The following CAPN8 variants were observed in gnomAD, a reference collection of about 807,000 sequenced individuals.
The protein encoded by CAPN8 is calpain 8, also known as calpain-8.
In CAPN8, 87 loss-of-function variants were observed where a neutral mutation model predicts 80.9. The observed-to-expected ratio is 1.07, with a 90% CI of 0.90 to 1.28. The LOEUF is 1.28. Ranked by LOEUF, CAPN8 falls within the 50% of genes most tolerant of loss-of-function variation. CAPN8 has a pLI of 0.00. For synonymous variants in CAPN8, 299 were observed against 273.8 expected (o/e 1.09, Z -0.91); for missense variants, 757 against 702.0 (o/e 1.08, Z -0.89).
At position 223,656,668 on chromosome 1, in the gene CAPN8, G is replaced by GTTTTTTTT. The variant is rs1331913444; in HGVS notation, c.238-2270_238-2269insAAAAAAAA. Reference sequence around the variant, plus strand: ...ATTTATGTACATACACACGTTTTGGGTTTTTTTGTTTTGTTTTTTTTTTTT... The same window carrying GTTTTTTTT: ...ATTTATGTACATACACACGTTTTGGGTTTTTTTTTTTTTTTGTTTTGTTTTTTTTTTTT... On this transcript the variant is annotated intron_variant, in intron 1 of 20. Transcript: ENST00000366872. Among the ~76,000 whole-genome samples, 42 of 94,804 alleles carry GTTTTTTTT rather than the reference G, an allele frequency of 4.4e-4. 3 individuals carry two copies. The highest frequency in any genetic ancestry group is 6.8e-3 in the Middle Eastern group (1 of 146). 62.2% of individuals were successfully genotyped at this position (94,804 alleles called of 152,430 possible).
At chr1:223,661,910 G>C (rs1187351697) in intron 1 of CAPN8, among the ~76,000 whole-genome samples, 2 of 152,112 alleles carry the variant, frequency 1.3e-5, no homozygotes, top group East Asian at 3.9e-4. Context: ...AAAAGTGGAA[G>C]CAACCCAAGA....
chr1:223,643,239 A>G (rs1392857715), intron 2 of CAPN8, among the ~76,000 whole-genome samples: 1 of 152,236 alleles, frequency 6.6e-6, no homozygotes, highest in African/African-American at 2.4e-5. Flanking sequence ...ATTGCTAGGG[A>G]CAGCCCTGAC....
intron 1 of CAPN8, among the ~76,000 whole-genome samples, chr1:223,661,810 C>A (rs1235107111): frequency 6.6e-6 from 1 of 152,138 alleles, no homozygotes; most frequent in African/African-American, 2.4e-5. Context: ...TGGGTCATAT[C>A]TTTTGGGTAT....
At chr1:223,548,350 G>A (rs1156901621) in intron 16 of CAPN8, among the ~76,000 whole-genome samples, 1 of 152,054 alleles carries the variant, frequency 6.6e-6, no homozygotes, top group Non-Finnish European at 1.5e-5. Context: ...CACCTAGAAG[G>A]TTCCTTCCAC....
chr1:223,664,041 T>C (rs80329262), intron 1 of CAPN8, among the ~76,000 whole-genome samples: 436 of 152,350 alleles, frequency 2.9e-3, no homozygotes, highest in African/African-American at 9.8e-3. Context: ...GCACTTTGTA[T>C]GGATGAGCTC....
chr1:223,549,625 T>C (rs912300775), intron 15 of CAPN8: 4 of 650,360 alleles, frequency 6.2e-6, no homozygotes, highest in Admixed American at 2.3e-5. Flanking sequence ...TTGGCTTGGC[T>C]CCCCACAAGC....
At chr1:223,614,733 A>G (rs547383773) in intron 10 of CAPN8, among the ~76,000 whole-genome samples, 7 of 152,238 alleles carry the variant, frequency 4.6e-5, no homozygotes, top group African/African-American at 1.7e-4. Context: ...ATAATCCTCC[A>G]TGTCCTCAGC....
At chr1:223,649,729 G>C (rs188928500) in intron 2 of CAPN8, among the ~76,000 whole-genome samples, 1 of 152,336 alleles carries the variant, frequency 6.6e-6, no homozygotes, top group East Asian at 1.9e-4. Context: ...TAGGCTATCT[G>C]TGTTTTCAAA....
chr1:223,549,296 T>A (rs747046832), intron 16 of CAPN8, 22 bp downstream of exon 16: 80 of 1,528,370 alleles, frequency 5.2e-5, no homozygotes, highest in Admixed American at 1.6e-4. Flanking sequence ...AAAAAAAAAA[T>A]AATGCAACAT....
intron 10 of CAPN8, 115 bp downstream of exon 10, chr1:223,615,855 G>A (rs1399189695): frequency 1.3e-5 from 17 of 1,293,036 alleles, no homozygotes; most frequent in East Asian, 1.3e-4. Flanking sequence ...GAGCAAGGAC[G>A]CTTCTCGATT....
chr1:223,623,849 A>T (rs1657476527), intron 6 of CAPN8, among the ~76,000 whole-genome samples: 2 of 151,962 alleles, frequency 1.3e-5, no homozygotes, highest in African/African-American at 4.8e-5. Flanking sequence ...CAAAAAAAAT[A>T]ATTAGCTGGG....
chr1:223,620,093 T>C, intron 8 of CAPN8, 99 bp downstream of exon 8: 1 of 973,010 alleles, frequency 1.0e-6, no homozygotes, highest in East Asian at 2.6e-5. Context: ...TCAGGAACCA[T>C]GTCGCCTTCC....
chr1:223,657,292 T>G (rs1658521143), intron 1 of CAPN8, among the ~76,000 whole-genome samples: 1 of 152,092 alleles, frequency 6.6e-6, no homozygotes, highest in Non-Finnish European at 1.5e-5. Context: ...AAGCAGTCAT[T>G]TTTTGGCAAA....
At chr1:223,642,612 A>G (rs1305124539) in intron 2 of CAPN8, 1 of 361,100 alleles carries the variant, frequency 2.8e-6, no homozygotes, top group African/African-American at 2.1e-5. Context: ...GAGTTAATGT[A>G]CTTCAAAACA....
chr1:223,551,160 T>A, intron 14 of CAPN8, 143 bp from the exon 15 acceptor site: 1 of 594,834 alleles, frequency 1.7e-6, no homozygotes, highest in Non-Finnish European at 3.0e-6. Context: ...TTTGTTTTTT[T>A]TTGAGACAGT....
At chr1:223,610,755 G>A (rs1194313289) in intron 11 of CAPN8, among the ~76,000 whole-genome samples, 1 of 152,110 alleles carries the variant, frequency 6.6e-6, no homozygotes, top group Non-Finnish European at 1.5e-5. Flanking sequence ...GTGCCACAAG[G>A]TCCCTGGCCC....
chr1:223,643,349 A>G (rs1189837086), intron 2 of CAPN8, among the ~76,000 whole-genome samples: 2 of 152,254 alleles, frequency 1.3e-5, no homozygotes, highest in African/African-American at 2.4e-5. Flanking sequence ...TAGATCTTTA[A>G]AGTGCATCAA....
At chr1:223,658,304 A>G (rs1658552028) in intron 1 of CAPN8, among the ~76,000 whole-genome samples, 7 of 152,228 alleles carry the variant, frequency 4.6e-5, no homozygotes, top group Admixed American at 4.6e-4. Flanking sequence ...GTTGGAAGAC[A>G]GAGTCATTGG....
At chr1:223,549,486 G>T (rs1425455728) in intron 15 of CAPN8, 104 bp from the exon 16 acceptor site, 2 of 1,520,734 alleles carry the variant, frequency 1.3e-6, no homozygotes, top group Admixed American at 2.0e-5. Flanking sequence ...CAAGGGTGTG[G>T]AACCGAACTT....
Sources: allele counts gnomAD v4.1 joint callset (sites outside exome capture counted in the v4.1 genomes callset), GRCh38; gene constraint gnomAD v4.1.1; transcripts MANE v1.5; gene names NCBI Gene and HGNC (gene_info 2026-07-23, HGNC 2026-07-21).